GRIK4: variants seen among roughly 807,000 people sequenced by gnomAD.
GRIK4 encodes glutamate receptor ionotropic, kainate 4.
GRIK4 carries 40 observed loss-of-function variants against 104.9 expected under a neutral mutation model. The observed-to-expected ratio is 0.38, with a 90% confidence interval of 0.30 to 0.50. The LOEUF (loss-of-function observed/expected upper bound fraction) is 0.50. Among genes scored for constraint, GRIK4 ranks in the 20% least tolerant of loss-of-function variants. The pLI is 0.93. For synonymous variants in GRIK4, 485 were observed against 524.9 expected, an observed-to-expected ratio of 0.92 and a Z score of 1.04; for missense variants, 1,047 against 1,308.1, an observed-to-expected ratio of 0.80 and a Z score of 3.08.
At chr11:120,855,987 G>A (rs538930693) in intron 8 of GRIK4, among the ~76,000 whole-genome samples, 2 of 152,364 alleles carry the variant, frequency 1.3e-5, no homozygotes, top group South Asian at 2.1e-4. Flanking sequence ...TTTTGGCAGG[G>A]CCCAGCAGTT....
intron 3 of GRIK4, among the ~76,000 whole-genome samples, chr11:120,667,463 T>A (rs540945272): frequency 1.3e-3 from 194 of 152,382 alleles, no homozygotes; most frequent in African/African-American, 4.4e-3. Flanking sequence ...GCGGGACGCG[T>A]GCGTGTGCAT....
intron 11 of GRIK4, among the ~76,000 whole-genome samples, chr11:120,881,249 T>G (rs936064937): frequency 2.0e-5 from 3 of 152,188 alleles, no homozygotes; most frequent in African/African-American, 7.2e-5. Context: ...CTGGAATTTG[T>G]TTTCCAATTT....
chr11:120,872,191 G>C (rs1592015770), intron 9 of GRIK4: 1 of 309,144 alleles, frequency 3.2e-6, no homozygotes, highest in South Asian at 3.1e-5. Flanking sequence ...TGTGAGGCAG[G>C]GACTGCTGCT....
At chr11:120,640,567 G>C (rs1245955118) in intron 1 of GRIK4, among the ~76,000 whole-genome samples, 1 of 152,024 alleles carries the variant, frequency 6.6e-6, no homozygotes, top group Non-Finnish European at 1.5e-5. Flanking sequence ...ATTGCCCTTG[G>C]ACTTTTTCAA....
intron 18 of GRIK4, among the ~76,000 whole-genome samples, chr11:120,963,811 T>C (rs1944334418): frequency 6.6e-6 from 1 of 152,102 alleles, no homozygotes; most frequent in Admixed American, 6.5e-5. Flanking sequence ...TAGCCTCAGT[T>C]ATCTAATTCA....
chr11:120,943,426 T>C (rs1438146582), intron 14 of GRIK4, among the ~76,000 whole-genome samples: 2 of 152,074 alleles, frequency 1.3e-5, no homozygotes, highest in East Asian at 3.9e-4. Flanking sequence ...CCAGGGGAGA[T>C]ATGGTTAGAA....
chr11:120,912,394 G>A (rs1943020204), intron 13 of GRIK4, among the ~76,000 whole-genome samples: 1 of 152,202 alleles, frequency 6.6e-6, no homozygotes, highest in African/African-American at 2.4e-5. Context: ...GAAGATATGA[G>A]TAGGGAAGGA....
At chr11:120,601,354 C>T (rs192022579) in intron 1 of GRIK4, among the ~76,000 whole-genome samples, 47 of 152,118 alleles carry the variant, frequency 3.1e-4, no homozygotes, top group Non-Finnish European at 8.8e-5. Context: ...TGCAGTGAGC[C>T]GAGATTGCGC....
At chr11:120,801,200 T>C (rs1591931163) in intron 3 of GRIK4, among the ~76,000 whole-genome samples, 1 of 152,226 alleles carries the variant, frequency 6.6e-6, no homozygotes, top group African/African-American at 2.4e-5. Context: ...TTTTTGTGTA[T>C]GTCTGGCTTT....
intron 1 of GRIK4, among the ~76,000 whole-genome samples, chr11:120,637,605 C>T (rs1223966421): frequency 6.6e-6 from 1 of 152,178 alleles, no homozygotes; most frequent in Non-Finnish European, 1.5e-5. Flanking sequence ...GGTGCAGTTG[C>T]TGTGTTTCCA....
At chr11:120,813,972 G>T (rs899291956) in intron 4 of GRIK4, among the ~76,000 whole-genome samples, 1 of 152,152 alleles carries the variant, frequency 6.6e-6, no homozygotes, top group East Asian at 1.9e-4. Flanking sequence ...CTCTCTCACT[G>T]TGTTTCCCTC....
chr11:120,967,928 C>A lies in GRIK4; in HGVS notation c.2395+605C>A, dbSNP rs144612292. Among the ~76,000 whole-genome samples, 77 of 152,282 alleles carry A rather than the reference C, an allele frequency of 5.1e-4. No individual in the cohort carries two copies. The highest frequency in any genetic ancestry group is 1.8e-3 in the African/African-American group (74 of 41,562). On this transcript the variant is annotated intron_variant, in intron 19 of 20. Transcript: ENST00000527524. The surrounding 1 kb of genome is among the most constrained non-coding windows in gnomAD (Gnocchi z 4.2). ...CCTCGAAGAGCTCTTCACTCCCACC[C>A]TACACATTTCTCTCCATCACCTTAA...
chr11:120,951,909 A>G (rs771002220), intron 14 of GRIK4, among the ~76,000 whole-genome samples: 1 of 152,216 alleles, frequency 6.6e-6, no homozygotes, highest in Non-Finnish European at 1.5e-5. Context: ...AGGATAAACA[A>G]TTCAACTCTG....
At chr11:120,683,091 C>T (rs2135291388) in intron 3 of GRIK4, among the ~76,000 whole-genome samples, 1 of 152,234 alleles carries the variant, frequency 6.6e-6, no homozygotes, top group East Asian at 1.9e-4. Flanking sequence ...CCTGGGCTTG[C>T]TGCCCTGGTT....
rs762340884 is a variant in GRIK4 at position 120,985,971 on chromosome 11, C to G, written c.2582C>G (p.Pro861Arg). The G allele has an allele frequency of 6.5e-7, 1 of 1,536,652 alleles. No individual in the cohort carries two copies. Among genetic ancestry groups the G allele is most frequent in the Non-Finnish European group, 8.8e-7 (1 of 1,141,758 alleles). Residue 861 changes from proline (P) to arginine (R), a missense_variant, in exon 21 of 21, where the codon CCC becomes CGC. Around this residue, in one of 3 missense-constraint regions of GRIK4, gnomAD observed 440 missense variants for 652.3 expected, o/e 0.67. Coordinates refer to ENST00000527524, the MANE Select transcript of GRIK4 (RefSeq NM_014619.5). ...ATCCTGTGTCAGGACAGTATCCACC[C>G]CCGCCGGCGGCGCGCCGCAGTCCCG... ...SIILCQDSIH[P>R]RRRRAAVPPP...
chr11:120,685,062 T>A (rs1340493135), intron 3 of GRIK4, among the ~76,000 whole-genome samples: 1 of 152,176 alleles, frequency 6.6e-6, no homozygotes, highest in Non-Finnish European at 1.5e-5. Context: ...GAGTCAGTAC[T>A]TCTGTGGAAG....
At chr11:120,597,259 C>G (rs1948815592) in intron 1 of GRIK4, among the ~76,000 whole-genome samples, 1 of 152,242 alleles carries the variant, frequency 6.6e-6, no homozygotes, top group African/African-American at 2.4e-5. Context: ...GGTTCTGCTC[C>G]TTACCTGCTG....
intron 9 of GRIK4, chr11:120,873,021 A>C (rs1233340077): frequency 6.6e-6 from 1 of 152,456 alleles, no homozygotes; most frequent in Non-Finnish European, 1.5e-5. Flanking sequence ...GCCCCATGAC[A>C]GATGCTGTGC....
intron 19 of GRIK4, among the ~76,000 whole-genome samples, chr11:120,969,911 G>A (rs1275568147): frequency 6.6e-6 from 1 of 152,120 alleles, no homozygotes; most frequent in Non-Finnish European, 1.5e-5. Flanking sequence ...AGTGGGTTGA[G>A]GGCCTTCTGT....
Sources: gnomAD v4.1 joint callset for allele counts (sites outside exome capture counted in the v4.1 genomes callset) on GRCh38, gnomAD v4.1.1 for gene constraint, gnomAD v4.1.1 regional missense constraint, Gnocchi (gnomAD v3.1) non-coding constraint, MANE v1.5 for transcripts, NCBI Gene and HGNC (gene_info 2026-07-23, HGNC 2026-07-21) for gene names.